Variants in EXT1 observed in about 807,000 individuals in gnomAD.
EXT1 encodes the protein exostosin-1.
A neutral mutation model predicts 82.5 loss-of-function variants in EXT1; 20 were observed. The observed-to-expected ratio is 0.24, with a 90% confidence interval of 0.17 to 0.35. EXT1 has a LOEUF of 0.35. EXT1 is among the 10% of genes least tolerant of loss of function. EXT1 has a pLI of 1.00. For synonymous variants in EXT1, 348 were observed against 350.8 expected (o/e 0.99, Z 0.09); for missense variants, 757 against 936.5 (o/e 0.81, Z 2.50).
chr8:117,821,105 C>T (rs1022280445), intron 5 of EXT1, among the ~76,000 whole-genome samples: 3 of 152,120 alleles, frequency 2.0e-5, no homozygotes, highest in Non-Finnish European at 2.9e-5. Context: ...GGCTTAACTG[C>T]GAGCAACACA....
intron 1 of EXT1, among the ~76,000 whole-genome samples, chr8:117,923,806 ACT>A (rs1449136858): frequency 6.6e-6 from 1 of 151,960 alleles, no homozygotes; most frequent in African/African-American, 2.4e-5. Context: ...CTGGAATAAC[ACT>A]CTCTGAATCA....
At position 117,798,514 on chromosome 8, in the gene EXT1, A is replaced by G. The variant is rs1169014571; in HGVS notation, c.*1198T>C. On this transcript the variant is annotated 3_prime_UTR_variant, in exon 11 of 11. Transcript: ENST00000378204. ...ACAAGAAGCACAACTAAACTTTTCC[A>G]CAGATTTAAAAATTAAAAGTAAATG... The G allele has an allele frequency of 6.6e-6, 1 of 152,176 alleles. No homozygotes were observed. The highest frequency in any genetic ancestry group is 1.5e-5 in the Non-Finnish European group (1 of 68,036). 9.4% of individuals were successfully genotyped at this position (152,176 alleles called of 1,614,324 possible).
chr8:117,837,129 G>A lies in EXT1; in HGVS notation c.1035C>T (p.Phe345=). The A allele has an allele frequency of 6.2e-7, 1 of 1,614,018 alleles. No individual in the cohort carries two copies. Among genetic ancestry groups the A allele is most frequent in the Non-Finnish European group, 8.5e-7 (1 of 1,179,930 alleles). The part of the protein sequence containing the change: ...LVPRGRRLGS[F]RFLEALQAAC... ...TTACCTGCAAAGCCTCCAGGAATCT[G>A]AAGGACCCAAGCCTGCGACCACGAG... Residue 345 remains phenylalanine (F), a synonymous_variant, in exon 2 of 11, where the codon TTC becomes TTT. Coordinates refer to ENST00000378204, the MANE Select transcript of EXT1 (RefSeq NM_000127.3).
At chr8:117,949,953 G>A (rs976688011) in intron 1 of EXT1, among the ~76,000 whole-genome samples, 1 of 152,190 alleles carries the variant, frequency 6.6e-6, no homozygotes, top group African/African-American at 2.4e-5. Flanking sequence ...GGCCAGATGT[G>A]GTGACTCACG....
chr8:117,849,374 A>G (rs1209422234), intron 1 of EXT1, among the ~76,000 whole-genome samples: 1 of 152,212 alleles, frequency 6.6e-6, no homozygotes, highest in East Asian at 1.9e-4. Flanking sequence ...CAGACCCTGT[A>G]CTATGCCTGG....
chr8:117,967,203 C>T (rs1249706160), intron 1 of EXT1, among the ~76,000 whole-genome samples: 2 of 152,184 alleles, frequency 1.3e-5, no homozygotes, highest in East Asian at 1.9e-4. Flanking sequence ...AAAGGAAGCT[C>T]ATTATAATTT....
chr8:117,872,477 T>A (rs1361105556), intron 1 of EXT1, among the ~76,000 whole-genome samples: 1 of 151,350 alleles, frequency 6.6e-6, no homozygotes, highest in East Asian at 1.9e-4. Flanking sequence ...AGATAAGAAC[T>A]CAGAATAACA....
At chr8:117,938,008 G>C (rs565894634) in intron 1 of EXT1, among the ~76,000 whole-genome samples, 1 of 152,226 alleles carries the variant, frequency 6.6e-6, no homozygotes, top group African/African-American at 2.4e-5. Context: ...TGAAACTGCA[G>C]TACCAGACAC....
chr8:117,841,511 A>C lies in EXT1; in HGVS notation c.963-4310T>G, dbSNP rs115517824. Reference sequence around the variant, plus strand: ...GTTTAGAAATGTGAATCACATAATCACACACTACTTAAAAGAAACATATGA... The same window carrying C: ...GTTTAGAAATGTGAATCACATAATCCCACACTACTTAAAAGAAACATATGA... On this transcript the variant is annotated intron_variant, in intron 1 of 10. Coordinates refer to ENST00000378204, the MANE Select transcript of EXT1 (RefSeq NM_000127.3). Among the ~76,000 whole-genome samples, 938 of 152,256 alleles carry C rather than the reference A, an allele frequency of 6.2e-3. 11 individuals are homozygous for C. Among genetic ancestry groups the C allele is most frequent in the African/African-American group, 0.021 (885 of 41,540 alleles).
chr8:118,095,447 T>C (rs1236463092), intron 1 of EXT1, among the ~76,000 whole-genome samples: 1 of 152,240 alleles, frequency 6.6e-6, no homozygotes, highest in African/African-American at 2.4e-5. Flanking sequence ...CTGCCCTGCA[T>C]TGACAGGTTT....
At chr8:118,005,193 C>T (rs1286436105) in intron 1 of EXT1, among the ~76,000 whole-genome samples, 2 of 152,200 alleles carry the variant, frequency 1.3e-5, no homozygotes, top group Non-Finnish European at 2.9e-5. Context: ...CCATCACATG[C>T]TTAATGATGC....
chr8:117,975,746 A>AT (rs1196530367), intron 1 of EXT1, among the ~76,000 whole-genome samples: 1 of 152,224 alleles, frequency 6.6e-6, no homozygotes, highest in Non-Finnish European at 1.5e-5. Context: ...TGACAGAGCA[A>AT]TGGCTTCATA....
chr8:117,876,701 C>G (rs1034936498), intron 1 of EXT1, among the ~76,000 whole-genome samples: 2 of 152,158 alleles, frequency 1.3e-5, no homozygotes, highest in African/African-American at 4.8e-5. Context: ...TTTTCTCTCT[C>G]ATTACTTTCC....
intron 8 of EXT1, among the ~76,000 whole-genome samples, chr8:117,807,748 T>C (rs1027957576): frequency 6.6e-6 from 1 of 152,104 alleles, no homozygotes; most frequent in Non-Finnish European, 1.5e-5. Flanking sequence ...GTTTTATAAA[T>C]GAGAAATTTC....
chr8:117,965,993 T>TAC (rs35638588), intron 1 of EXT1, among the ~76,000 whole-genome samples: 48,521 of 150,508 alleles, frequency 0.32, 8,910 homozygotes, highest in African/African-American at 0.51. Flanking sequence ...TACATGCATA[T>TAC]ACACACACAC....
intron 1 of EXT1, among the ~76,000 whole-genome samples, chr8:118,033,606 T>C (rs1241208842): frequency 2.0e-5 from 3 of 151,992 alleles, no homozygotes; most frequent in Non-Finnish European, 4.4e-5. Context: ...AGCCTCTCAA[T>C]TAGCTGGAAC....
At chr8:117,897,894 C>A (rs1379581645) in intron 1 of EXT1, among the ~76,000 whole-genome samples, 1 of 152,118 alleles carries the variant, frequency 6.6e-6, no homozygotes, top group East Asian at 1.9e-4. Context: ...TGAACCACCG[C>A]ACCCAGCCGC....
At chr8:118,006,358 T>C (rs137982612) in intron 1 of EXT1, among the ~76,000 whole-genome samples, 2 of 152,280 alleles carry the variant, frequency 1.3e-5, no homozygotes, top group African/African-American at 4.8e-5. Context: ...ATTATATGGA[T>C]CTCTGAGGTT....
At chr8:118,037,836 G>GTTTTTTTTTTTT (rs58862041) in intron 1 of EXT1, among the ~76,000 whole-genome samples, 47 of 107,408 alleles carry the variant, frequency 4.4e-4, no homozygotes, top group African/African-American at 1.8e-3. Context: ...AGTGTTTTTT[G>GTTTTTTTTTTTT]TTTTTTTTTT....
Sources: gnomAD v4.1 joint callset for allele counts (sites outside exome capture counted in the v4.1 genomes callset) on GRCh38, gnomAD v4.1.1 for gene constraint, MANE v1.5 for transcripts, NCBI Gene and HGNC (gene_info 2026-07-23, HGNC 2026-07-21) for gene names.